LAMA2: variants seen among roughly 807,000 people sequenced by gnomAD.
The protein encoded by LAMA2 is laminin subunit alpha-2.
In LAMA2, 269 loss-of-function variants were observed where a neutral mutation model predicts 364.8. The observed-to-expected ratio is 0.74, with a 90% CI of 0.67 to 0.82. The LOEUF (loss-of-function observed/expected upper bound fraction) is 0.82. LAMA2 is among the 40% of genes least tolerant of loss of function. The pLI is 0.00. For synonymous variants in LAMA2, 1,379 were observed against 1,370.6 expected (o/e 1.01, Z -0.14); for missense variants, 3,807 against 3,873.2 (o/e 0.98, Z 0.45).
At position 129,516,465 on chromosome 6, in the gene LAMA2, T is replaced by C. The variant is rs1049476; in HGVS notation, c.*118T>C. On this transcript the variant is annotated 3_prime_UTR_variant, in exon 65 of 65. Coordinates refer to ENST00000421865, the MANE Select transcript of LAMA2 (RefSeq NM_000426.4). The stretch of plus-strand genomic sequence containing the variant: ...TAATTTGTGCATGTACATAGAATTC[T>C]TTCTGTATTCAGATGGTGCTAATTC... 0.26 allele frequency: 272,187 copies of C among 1,040,414 alleles called. 38,499 individuals carry two copies. Among genetic ancestry groups the C allele is most frequent in the Middle Eastern group, 0.3 (1,466 of 4,814 alleles). 64.4% of individuals were successfully genotyped at this position (1,040,414 alleles called of 1,614,324 possible).
intron 1 of LAMA2, among the ~76,000 whole-genome samples, chr6:129,041,316 T>A (rs1787076462): frequency 6.6e-6 from 1 of 152,220 alleles, no homozygotes; most frequent in Non-Finnish European, 1.5e-5. Context: ...AAGTCAAAGT[T>A]CTTCATTTAT....
intron 1 of LAMA2, among the ~76,000 whole-genome samples, chr6:128,980,646 C>G (rs759458419): frequency 6.6e-6 from 1 of 152,054 alleles, no homozygotes; most frequent in African/African-American, 2.4e-5. Context: ...TCCATGGTGT[C>G]AGAGAGATAA....
At chr6:129,379,963 G>GA (rs199604443) in intron 34 of LAMA2, among the ~76,000 whole-genome samples, 2,446 of 152,214 alleles carry the variant, frequency 0.016, 27 homozygotes, top group Middle Eastern at 0.045. Context: ...TATGACCCAC[G>GA]ACAATTTGCC....
chr6:129,228,777 T>G (rs948343367), intron 12 of LAMA2, among the ~76,000 whole-genome samples: 3 of 152,224 alleles, frequency 2.0e-5, no homozygotes, highest in African/African-American at 4.8e-5. Context: ...TAATCTTTCA[T>G]GCACAATAAC....
chr6:129,052,710 A>G (rs1165033405), intron 2 of LAMA2, among the ~76,000 whole-genome samples: 1 of 152,124 alleles, frequency 6.6e-6, no homozygotes, highest in Non-Finnish European at 1.5e-5. Flanking sequence ...CAAACTTATA[A>G]TGATATATAT....
At chr6:129,129,903 G>A (rs1466907370) in intron 4 of LAMA2, among the ~76,000 whole-genome samples, 23 of 130,156 alleles carry the variant, frequency 1.8e-4, no homozygotes, top group African/African-American at 6.2e-4. Flanking sequence ...CAGCCTGGGC[G>A]ACAGAGCGAG....
chr6:128,910,819 T>A (rs1277659473), intron 1 of LAMA2, among the ~76,000 whole-genome samples: 1 of 149,914 alleles, frequency 6.7e-6, no homozygotes, highest in Non-Finnish European at 1.5e-5. Flanking sequence ...GTTCTTGGTG[T>A]GGATGTCCTT....
intron 3 of LAMA2, among the ~76,000 whole-genome samples, chr6:129,082,062 T>A (rs181808684): frequency 6.6e-6 from 1 of 152,248 alleles, no homozygotes; most frequent in East Asian, 1.9e-4. Context: ...ACAGTTGGAA[T>A]GAAATTAGTA....
At chr6:129,386,723 G>A (rs1779037823) in intron 35 of LAMA2, among the ~76,000 whole-genome samples, 1 of 152,090 alleles carries the variant, frequency 6.6e-6, no homozygotes, top group Non-Finnish European at 1.5e-5. Context: ...ATTTATCTGT[G>A]TCCCGATGAG....
At chr6:129,493,501 C>T (rs888318032) in intron 58 of LAMA2, among the ~76,000 whole-genome samples, 3 of 152,146 alleles carry the variant, frequency 2.0e-5, no homozygotes, top group Non-Finnish European at 2.9e-5. Flanking sequence ...ATTTCTGTTT[C>T]CTCATCTGTC....
intron 24 of LAMA2, 85 bp downstream of exon 24, chr6:129,314,883 A>G: frequency 7.1e-7 from 1 of 1,408,736 alleles, no homozygotes; most frequent in Non-Finnish European, 1.0e-6. Context: ...GGGTAGTAGA[A>G]AATGGCAAAA....
chr6:128,996,921 A>G (rs1028011639), intron 1 of LAMA2, among the ~76,000 whole-genome samples: 2 of 152,230 alleles, frequency 1.3e-5, no homozygotes, highest in Non-Finnish European at 2.9e-5. Context: ...TGTGGCACAT[A>G]TACACCATGG....
chr6:129,370,159 TCA>T (rs1777993219), intron 34 of LAMA2, among the ~76,000 whole-genome samples, 169 bp downstream of exon 34: 1 of 152,162 alleles, frequency 6.6e-6, no homozygotes, highest in Non-Finnish European at 1.5e-5. Context: ...ATCATAGAAA[TCA>T]GTAGCACGCA....
intron 56 of LAMA2, among the ~76,000 whole-genome samples, chr6:129,489,196 GTCA>G (rs1443447394): frequency 6.6e-6 from 1 of 152,188 alleles, no homozygotes; most frequent in Non-Finnish European, 1.5e-5. Context: ...ATGCATGTCA[GTCA>G]TCATTTCTTT....
At chr6:129,198,890 T>C (rs1378025646) in intron 12 of LAMA2, among the ~76,000 whole-genome samples, 1 of 152,138 alleles carries the variant, frequency 6.6e-6, no homozygotes, top group East Asian at 1.9e-4. Context: ...TCCAATGAAG[T>C]TAACTCCAAG....
chr6:129,067,794 T>C (rs565970229), intron 3 of LAMA2, among the ~76,000 whole-genome samples: 7 of 152,324 alleles, frequency 4.6e-5, no homozygotes, highest in Non-Finnish European at 1.0e-4. Flanking sequence ...ATATTTCTTA[T>C]GTCTAGAATT....
intron 3 of LAMA2, among the ~76,000 whole-genome samples, chr6:129,078,787 A>C (rs935897255): frequency 6.6e-6 from 1 of 152,192 alleles, no homozygotes; most frequent in Non-Finnish European, 1.5e-5. Context: ...CCATTAAATA[A>C]TAACTCCCCA....
intron 7 of LAMA2, among the ~76,000 whole-genome samples, chr6:129,149,883 G>A (rs997415563): frequency 1.2e-4 from 18 of 152,124 alleles, no homozygotes; most frequent in Admixed American, 2.6e-4. Flanking sequence ...GATCTAAAGT[G>A]TACAGGAGGA....
chr6:129,224,155 T>C (rs560268226), intron 12 of LAMA2, among the ~76,000 whole-genome samples: 21 of 152,346 alleles, frequency 1.4e-4, no homozygotes, highest in Admixed American at 1.4e-3. Context: ...TTGTCTGTTG[T>C]TAGTGTATAA....
Sources: gnomAD v4.1 joint callset for allele counts (sites outside exome capture counted in the v4.1 genomes callset) on GRCh38, gnomAD v4.1.1 for gene constraint, MANE v1.5 for transcripts, NCBI Gene and HGNC (gene_info 2026-07-23, HGNC 2026-07-21) for gene names.